FAM117B: variants seen among roughly 807,000 people sequenced by gnomAD.
The protein encoded by FAM117B is family with sequence similarity 117 member B, also known as protein FAM117B.
Under a neutral mutation model 52.8 loss-of-function variants are expected in FAM117B, and 22 were observed. That is an observed-to-expected ratio of 0.42 (90% CI 0.30 to 0.59). FAM117B has a LOEUF of 0.59. Ranked by LOEUF, FAM117B falls within the 20% of genes least tolerant of loss-of-function variation. FAM117B has a pLI of 0.22. For synonymous variants in FAM117B, 309 were observed against 324.1 expected (o/e 0.95, Z 0.50); for missense variants, 678 against 802.6 (o/e 0.84, Z 1.88).
chr2:202,635,386 G>C lies in FAM117B; in HGVS notation c.199G>C (p.Gly67Arg). Residue 67 changes from glycine to arginine, a missense_variant, in exon 1 of 8, where the codon GGT becomes CGT. Coordinates refer to ENST00000392238, the MANE Select transcript of FAM117B (RefSeq NM_173511.4). ...SGGGGGGNNN[G>R]GCCGGASGPA... is the part of the protein sequence containing the mutation. Reference sequence around the variant, plus strand: ...CGGCGGCGGCGGCGGCAACAACAACGGTGGCTGCTGTGGTGGCGCCTCAGG... The same window carrying C: ...CGGCGGCGGCGGCGGCAACAACAACCGTGGCTGCTGTGGTGGCGCCTCAGG... 7.4e-7 allele frequency: 1 copy of C among 1,351,124 alleles called. No homozygotes were observed. Among genetic ancestry groups the C allele is most frequent in the Non-Finnish European group, 9.5e-7 (1 of 1,055,384 alleles). 83.7% of individuals were successfully genotyped at this position (1,351,124 alleles called of 1,614,324 possible). A position where few individuals can be genotyped will look rare whatever the true frequency, so the allele number is the denominator to read the frequency against.
chr2:202,680,280 G>GA (rs1459616684), intron 1 of FAM117B, among the ~76,000 whole-genome samples: 5 of 152,194 alleles, frequency 3.3e-5, no homozygotes, highest in Admixed American at 1.3e-4. Flanking sequence ...TGACAAGGGA[G>GA]AGGGGGGAGG....
chr2:202,756,213 T>G (rs1004310431), intron 5 of FAM117B, among the ~76,000 whole-genome samples: 2 of 152,110 alleles, frequency 1.3e-5, no homozygotes, highest in African/African-American at 4.8e-5. Context: ...GGTCAGGAGT[T>G]CAAGACCCAT....
rs370683943 is a variant in FAM117B, at chr2:202,690,682, C to CA, written c.602-5197dup. On this transcript the variant is annotated intron_variant, in intron 1 of 7. Coordinates refer to ENST00000392238, the MANE Select transcript of FAM117B (RefSeq NM_173511.4). ...AGGGCACAGTACATACTGGGAACTGCAAGTCCATGGTCTTAGTGTAGGGAT... is the reference window on the plus strand; with the variant it reads ...AGGGCACAGTACATACTGGGAACTGCAAAGTCCATGGTCTTAGTGTAGGGAT... Among the ~76,000 whole-genome samples the CA allele has an allele frequency of 2.2e-3, 331 of 152,250 alleles. 1 individual carries two copies. Among genetic ancestry groups the CA allele is most frequent in the African/African-American group, 7.6e-3 (317 of 41,534 alleles).
rs545608756 is a variant in FAM117B at position 202,668,939 on chromosome 2, T to C, written c.602-26942T>C. 2.0e-5 allele frequency among the ~76,000 whole-genome samples: 3 copies of C among 152,292 alleles called. No homozygotes were observed. The South Asian group carries it at 6.2e-4, about 32-fold the overall frequency. Reference sequence around the variant, plus strand: ...TTTTTAAAGTCTTCTCACAGTGTTATATATAATATAATTTAGTCAACATTA... The same window carrying C: ...TTTTTAAAGTCTTCTCACAGTGTTACATATAATATAATTTAGTCAACATTA... On this transcript the variant is annotated intron_variant, in intron 1 of 7. Coordinates refer to ENST00000392238, the MANE Select transcript of FAM117B (RefSeq NM_173511.4).
chr2:202,682,799 C>T (rs1248704804), intron 1 of FAM117B, among the ~76,000 whole-genome samples: 1 of 152,090 alleles, frequency 6.6e-6, no homozygotes, highest in East Asian at 1.9e-4. Context: ...TCTAAATAAT[C>T]CATGGGTCAA....
At chr2:202,648,302 A>G (rs1421161887) in intron 1 of FAM117B, among the ~76,000 whole-genome samples, 1 of 151,490 alleles carries the variant, frequency 6.6e-6, no homozygotes, top group Non-Finnish European at 1.5e-5. Flanking sequence ...CTGAGCTCAG[A>G]AGTTCGAGAC....
chr2:202,726,816 A>G (rs1445202350), intron 4 of FAM117B, among the ~76,000 whole-genome samples: 1 of 152,168 alleles, frequency 6.6e-6, no homozygotes, highest in Non-Finnish European at 1.5e-5. Flanking sequence ...GGATAGCATT[A>G]GAAGAAATAC....
chr2:202,755,786 G>A lies in FAM117B; in HGVS notation c.1104+105G>A. On this transcript the variant is annotated intron_variant, in intron 5 of 7. Coordinates refer to ENST00000392238, the MANE Select transcript of FAM117B (RefSeq NM_173511.4). The stretch of plus-strand genomic sequence containing the variant: ...TTGGGTTTCTTCCTTCTCATTGAGA[G>A]AGCAAAAATTTATCTCTTTTGAAAA... 3 of 1,167,602 alleles carry A rather than the reference G, an allele frequency of 2.6e-6. 1 individual carries two copies. In the South Asian group the frequency reaches 6.2e-5, roughly 24 times the overall value. 72.3% of individuals were successfully genotyped at this position (1,167,602 alleles called of 1,614,324 possible).
chr2:202,765,712 C>T lies in FAM117B; in HGVS notation c.1718C>T (p.Pro573Leu), dbSNP rs1297530379. 3.1e-6 allele frequency: 5 copies of T among 1,614,140 alleles called. No homozygotes were observed. Among genetic ancestry groups the T allele is most frequent in the Non-Finnish European group, 4.2e-6 (5 of 1,180,028 alleles). ...TCTCGAGGAACAAGTACAGTCATGC[C>T]ATCAGCTTCTCTACTCCCACCACCA... ...RVSRGTSTVM[P>L]SASLLPPPEP... The change falls in exon 8 of 8, where the codon CCA becomes CTA. Residue 573 changes from proline to leucine, a missense_variant. By Grantham distance (98) the Pro-to-Leu change is moderately conservative. Transcript: ENST00000392238.
intron 1 of FAM117B, among the ~76,000 whole-genome samples, chr2:202,650,121 A>G (rs1238915181): frequency 1.3e-5 from 2 of 152,120 alleles, no homozygotes; most frequent in Middle Eastern, 3.4e-3. Context: ...AGTCTTTTAT[A>G]TTTATCCTAA....
intron 1 of FAM117B, among the ~76,000 whole-genome samples, chr2:202,675,089 C>G (rs2105767516): frequency 6.6e-6 from 1 of 151,848 alleles, no homozygotes; most frequent in Non-Finnish European, 1.5e-5. Flanking sequence ...TAAAAATTAG[C>G]CCAGGCATGG....
At chr2:202,666,325 TA>T (rs1174733144) in intron 1 of FAM117B, among the ~76,000 whole-genome samples, 1 of 152,028 alleles carries the variant, frequency 6.6e-6, no homozygotes, top group African/African-American at 2.4e-5. Context: ...AAAACTAATT[TA>T]AAAAATGTTG....
At chr2:202,664,738 C>T (rs74909961) in intron 1 of FAM117B, among the ~76,000 whole-genome samples, 5,378 of 151,932 alleles carry the variant, frequency 0.035, 131 homozygotes, top group Non-Finnish European at 0.052. Flanking sequence ...CCTCAGAACA[C>T]GTGCCTCATT....
chr2:202,662,768 C>G (rs536710799), intron 1 of FAM117B, among the ~76,000 whole-genome samples: 3 of 151,952 alleles, frequency 2.0e-5, no homozygotes, highest in African/African-American at 7.2e-5. Context: ...TGCTTGAACC[C>G]GGGAGGCGTA....
chr2:202,728,363 A>G (rs989408388), intron 4 of FAM117B, among the ~76,000 whole-genome samples: 2 of 152,200 alleles, frequency 1.3e-5, no homozygotes, highest in South Asian at 2.1e-4. Flanking sequence ...ATGGTTATAC[A>G]TTAGTATTCG....
chr2:202,651,851 C>T (rs1014206017), intron 1 of FAM117B, among the ~76,000 whole-genome samples: 8 of 151,710 alleles, frequency 5.3e-5, no homozygotes, highest in Non-Finnish European at 8.8e-5. Context: ...GTCAGGAGTT[C>T]GAGACCAGCC....
chr2:202,637,326 C>T (rs759685714), intron 1 of FAM117B, among the ~76,000 whole-genome samples: 17 of 152,054 alleles, frequency 1.1e-4, no homozygotes, highest in Middle Eastern at 3.4e-3. Flanking sequence ...TATGTGATCT[C>T]GGCTCACTGC....
chr2:202,751,771 CAAAAAAA>C (rs397868272), intron 4 of FAM117B, among the ~76,000 whole-genome samples: 1 of 76,220 alleles, frequency 1.3e-5, no homozygotes, highest in Non-Finnish European at 2.4e-5. Flanking sequence ...GACTCCATCT[CAAAAAAA>C]AAAAAAAAAA....
chr2:202,681,489 A>G (rs1690462125), intron 1 of FAM117B, among the ~76,000 whole-genome samples: 1 of 152,232 alleles, frequency 6.6e-6, no homozygotes, highest in African/African-American at 2.4e-5. Context: ...AGGAAAGCTA[A>G]TATAGTGATT....
Sources: gnomAD v4.1 joint callset for allele counts (sites outside exome capture counted in the v4.1 genomes callset) on GRCh38, gnomAD v4.1.1 for gene constraint, MANE v1.5 for transcripts, NCBI Gene and HGNC (gene_info 2026-07-23, HGNC 2026-07-21) for gene names.